The following HCLS1 variants were observed in gnomAD, a reference collection of about 807,000 sequenced individuals.
HCLS1 encodes the protein hematopoietic lineage cell-specific protein.
HCLS1 carries 44 observed loss-of-function variants against 68.6 expected under a neutral mutation model. That is an observed-to-expected ratio of 0.64 (90% CI 0.50 to 0.82). HCLS1 has a LOEUF of 0.82. Ranked by LOEUF, HCLS1 falls within the 40% of genes least tolerant of loss-of-function variation. HCLS1 has a pLI of 0.00. For missense variants in HCLS1, 602 were observed against 612.1 expected (o/e 0.98, Z 0.17); for synonymous variants, 217 against 225.8 (o/e 0.96, Z 0.35).
chr3:121,658,274 G>A lies in HCLS1; in HGVS notation c.74C>T (p.Pro25Leu). 6.2e-7 allele frequency: 1 copy of A among 1,613,608 alleles called. No individual in the cohort carries two copies. Among genetic ancestry groups the A allele is most frequent in the South Asian group, 1.1e-5 (1 of 91,076 alleles). The change falls in exon 2 of 14, where the codon CCT becomes CTT. Residue 25 changes from proline (P) to leucine (L), a missense_variant. Pro to Leu is a moderately conservative substitution (Grantham distance 98, BLOSUM62 -3). Transcript: ENST00000314583. ...ETQGDDWDTD[P>L]DFVNDISEKE... ...TACTTCCAAACTCACCACAAAGTCAGGATCTGTGTCCCAATCATCACCCTG... is the reference window on the plus strand; with the variant it reads ...TACTTCCAAACTCACCACAAAGTCAAGATCTGTGTCCCAATCATCACCCTG...
chr3:121,632,388 C>G lies in HCLS1; in HGVS notation c.1184G>C (p.Gly395Ala), dbSNP rs2049106186. Reference sequence around the variant, plus strand: ...AGGCTCGAGCACCTCCTCATAGTCCCCCTCTGGTTCATCCTCCTGCTCATG... The same window carrying G: ...AGGCTCGAGCACCTCCTCATAGTCCGCCTCTGGTTCATCCTCCTGCTCATG... ...DRHEQEDEPEGDYEEVLEPED... is the reference protein window; with the variant it reads ...DRHEQEDEPEADYEEVLEPED... The change falls in exon 12 of 14, where the codon GGG (glycine) becomes GCG (alanine). Residue 395 changes from glycine to alanine, a missense_variant. Coordinates refer to ENST00000314583, the MANE Select transcript of HCLS1 (RefSeq NM_005335.6). The G allele has an allele frequency of 3.1e-6, 5 of 1,613,916 alleles. No individual in the cohort carries two copies. Among genetic ancestry groups the G allele is most frequent in the Non-Finnish European group, 8.5e-7 (1 of 1,180,016 alleles).
At chr3:121,658,434 G>A in intron 1 of HCLS1, 87 bp from the exon 2 acceptor site, 1 of 972,234 alleles carries the variant, frequency 1.0e-6, no homozygotes, top group Middle Eastern at 2.2e-4. Flanking sequence ...AAATATAGCA[G>A]CCCAATATTT....
intron 6 of HCLS1, 117 bp from the exon 7 acceptor site, chr3:121,637,373 C>T (rs1335277265): frequency 1.6e-5 from 11 of 692,864 alleles, no homozygotes; most frequent in Non-Finnish European, 2.6e-5. Flanking sequence ...GGGAAAAGAG[C>T]AGGGCTTGAA....
chr3:121,658,151 G>T, intron 2 of HCLS1, 113 bp downstream of exon 2: 1 of 781,330 alleles, frequency 1.3e-6, no homozygotes, highest in Non-Finnish European at 2.3e-6. Context: ...TATGAGGGCT[G>T]TCTCAGTCCT....
intron 6 of HCLS1, 118 bp downstream of exon 6, chr3:121,642,809 T>C (rs1258315204): frequency 3.7e-6 from 3 of 800,602 alleles, no homozygotes; most frequent in East Asian, 5.0e-5. Context: ...GTAAATAAAA[T>C]AGTGGTGCGC....
chr3:121,635,884 G>A, intron 8 of HCLS1, 80 bp from the exon 9 acceptor site: 1 of 1,083,022 alleles, frequency 9.2e-7, no homozygotes, highest in Admixed American at 1.7e-5. Context: ...TGGGGGTTGG[G>A]GGCCACTATA....
chr3:121,660,484 GT>G (rs1394163159), intron 1 of HCLS1, among the ~76,000 whole-genome samples: 1 of 152,188 alleles, frequency 6.6e-6, no homozygotes, highest in Non-Finnish European at 1.5e-5. Context: ...GGCAGACACT[GT>G]TTTCGTCTCC....
intron 1 of HCLS1, 55 bp from the exon 2 acceptor site, chr3:121,658,402 G>A (rs1937919965): frequency 2.3e-6 from 3 of 1,330,424 alleles, no homozygotes; most frequent in East Asian, 2.3e-5. Context: ...CAAGAGGAGG[G>A]AAAATAGGAA....
In HCLS1 at chr3:121,634,356, G is replaced by C. The variant is rs373015540; in HGVS notation, c.754C>G (p.Arg252Gly). Reference protein sequence around the residue: ...FESMAEEKRKREEEEKAQQVA... With the variant: ...FESMAEEKRKGEEEEKAQQVA... ...TGCTGTGCCTTCTCCTCTTCCTCTC[G>C]CTTCCTCTTCTCCTCAGCCATGGAC... The change falls in exon 10 of 14, where the codon CGA (arginine) becomes GGA (glycine). Residue 252 changes from arginine (R) to glycine (G), a missense_variant. Transcript: ENST00000314583. The C allele has an allele frequency of 1.4e-5, 23 of 1,613,806 alleles. No individual in the cohort carries two copies. The Middle Eastern group carries it at 4.9e-4, about 35-fold the overall frequency.
At position 121,658,048 on chromosome 3, in the gene HCLS1, A is replaced by G. The variant is rs1291443706; in HGVS notation, c.84+216T>C. 3 of 521,512 alleles carry G rather than the reference A, an allele frequency of 5.8e-6. No individual in the cohort carries two copies. The African/African-American group carries it at 5.8e-5, about 10-fold the overall frequency. 32.3% of individuals were successfully genotyped at this position (521,512 alleles called of 1,614,324 possible). A position where few individuals can be genotyped will look rare whatever the true frequency, so the allele number is the denominator to read the frequency against. On this transcript the variant is annotated intron_variant, in intron 2 of 13. Transcript: ENST00000314583. ...GCCATGGCCTGTCAATCACACTGTCAAACTCACCCACACCTGTCTCTTTTC... is the reference window on the plus strand; with the variant it reads ...GCCATGGCCTGTCAATCACACTGTCGAACTCACCCACACCTGTCTCTTTTC...
chr3:121,631,759 G>T lies in HCLS1; in HGVS notation c.*87C>A. On this transcript the variant is annotated 3_prime_UTR_variant, in exon 14 of 14. Transcript: ENST00000314583. ...GTCTGTCCAGAACCTCATCTGGTTA[G>T]ACATTTGCAGCAGGAATAGGGAGGG... 6.9e-7 allele frequency: 1 copy of T among 1,439,916 alleles called. No individual in the cohort carries two copies. The highest frequency in any genetic ancestry group is 9.6e-7 in the Non-Finnish European group (1 of 1,036,730). 89.2% of individuals were successfully genotyped at this position (1,439,916 alleles called of 1,614,324 possible). A position where few individuals can be genotyped will look rare whatever the true frequency, so the allele number is the denominator to read the frequency against.
intron 8 of HCLS1, 97 bp downstream of exon 8, chr3:121,636,337 C>T (rs1041955973): frequency 1.2e-5 from 12 of 1,002,714 alleles, no homozygotes; most frequent in East Asian, 7.2e-5. Flanking sequence ...CCAGCACCAC[C>T]GTCCCCTCCC....
At chr3:121,660,087 G>A (rs919609739) in intron 1 of HCLS1, among the ~76,000 whole-genome samples, 1 of 152,192 alleles carries the variant, frequency 6.6e-6, no homozygotes, top group Non-Finnish European at 1.5e-5. Flanking sequence ...GGAGTCAGAA[G>A]CCCTGGCTGT....
At chr3:121,644,688 G>A (rs766406575) in intron 5 of HCLS1, 130 bp downstream of exon 5, 5 of 779,072 alleles carry the variant, frequency 6.4e-6, no homozygotes, top group Middle Eastern at 2.3e-4. Flanking sequence ...TCCCTGTGAC[G>A]GTGTCAGGTC....
chr3:121,658,183 C>A (rs1937915391), intron 2 of HCLS1, 81 bp downstream of exon 2: 1 of 1,047,846 alleles, frequency 9.5e-7, no homozygotes, highest in South Asian at 1.3e-5. Flanking sequence ...TTCCAAGCAT[C>A]CTCAAAGATC....
Position 121,658,364 on chromosome 3 carries a change from AT to A in HCLS1, c.1-18del. On this transcript the variant is annotated intron_variant, in intron 1 of 13. Coordinates refer to ENST00000314583, the MANE Select transcript of HCLS1 (RefSeq NM_005335.6). The stretch of plus-strand genomic sequence containing the variant: ...CTTCCACATCTGAGAGTGACCGGAG[AT>A]GGGAATAATTAGGGACAAAAAAGGA... 1 of 1,595,618 alleles carries A rather than the reference AT, an allele frequency of 6.3e-7. No individual in the cohort carries two copies.
chr3:121,634,130 G>A (rs1397096588), intron 10 of HCLS1, 77 bp downstream of exon 10: 3 of 1,595,036 alleles, frequency 1.9e-6, no homozygotes, highest in East Asian at 4.5e-5. Flanking sequence ...CTTATTTTCT[G>A]CCAATGGTTT....
At position 121,632,452 on chromosome 3, in the gene HCLS1, G is replaced by A. The variant is rs376083217; in HGVS notation, c.1120C>T (p.Pro374Ser). The A allele has an allele frequency of 3.7e-6, 6 of 1,612,680 alleles. No homozygotes were observed. In the African/African-American group the frequency reaches 8.0e-5, roughly 22 times the overall value. The stretch of plus-strand genomic sequence containing the variant: ...TCAACGTCCTCATAGTCATTCTCAG[G>A]CTCGGGCTCAGGCTCGGGCTCAGGC... ...PEPEPEPEPEPENDYEDVEEM... is the reference protein window; with the variant it reads ...PEPEPEPEPESENDYEDVEEM... Residue 374 changes from proline (P) to serine (S), a missense_variant, in exon 12 of 14, where the codon CCT becomes TCT. Pro to Ser is a moderately conservative substitution (Grantham distance 74). Transcript: ENST00000314583.
At chr3:121,645,635 C>T (rs967373301) in intron 4 of HCLS1, among the ~76,000 whole-genome samples, 5 of 151,928 alleles carry the variant, frequency 3.3e-5, no homozygotes, top group African/African-American at 1.2e-4. Flanking sequence ...GTTCTAATAT[C>T]TTGGTTCTTA....
Sources: gnomAD v4.1 joint callset for allele counts (sites outside exome capture counted in the v4.1 genomes callset) on GRCh38, gnomAD v4.1.1 for gene constraint, MANE v1.5 for transcripts, NCBI Gene and HGNC (gene_info 2026-07-23, HGNC 2026-07-21) for gene names.